Variants in PNMA3 observed in about 807,000 individuals in gnomAD.
PNMA3 encodes PNMA family member 3.
In PNMA3, 10 loss-of-function variants were observed where a neutral mutation model predicts 25.1. That is an observed-to-expected ratio of 0.40 (90% CI 0.25 to 0.68). The LOEUF (loss-of-function observed/expected upper bound fraction) is 0.68, where lower values mean the gene tolerates loss of function less well. Ranked by LOEUF, PNMA3 falls within the 30% of genes least tolerant of loss-of-function variation. The probability of loss-of-function intolerance (pLI) is 0.40; values close to 1 mark genes in which losing one functional copy is unlikely to be tolerated. For missense variants in PNMA3, 317 were observed against 372.1 expected (o/e 0.85, Z 1.22); for synonymous variants, 134 against 148.7 (o/e 0.90, Z 0.72).
rs1489977971 is a variant in PNMA3 at position 153,059,457 on chromosome X, A to G, written c.*1010A>G. The G allele has an allele frequency of 8.1e-5, 10 of 122,948 alleles. No individual in the cohort carries two copies. The highest frequency in any genetic ancestry group is 2.8e-4 in the Admixed American group (3 of 10,675). 10.1% of individuals were successfully genotyped at this position (122,948 alleles called of 1,213,427 possible). A position where few individuals can be genotyped will look rare whatever the true frequency, so the allele number is the denominator to read the frequency against. ...GCCATGGCCTGGGTGGAGGCACCTG[A>G]AGACGTCTGTCCCAAACTCCCCCAG... is the stretch of plus-strand genomic sequence containing the variant. On this transcript the variant is annotated 3_prime_UTR_variant, in exon 2 of 2. Transcript: ENST00000593810.
Position 153,057,567 on chromosome X carries a change from C to T in PNMA3, c.512C>T (p.Thr171Ile). ...GAACTAAGAGTGTTTTCTGGGAACACCATATCCATCCCAGGTGCACTGGCC... is the reference window on the plus strand; with the variant it reads ...GAACTAAGAGTGTTTTCTGGGAACATCATATCCATCCCAGGTGCACTGGCC... ...YRELRVFSGN[T>I]ISIPGALAFD... The change falls in exon 2 of 2, where the codon ACC (threonine) becomes ATC (isoleucine). Residue 171 changes from threonine (T) to isoleucine (I), a missense_variant. Thr to Ile is a moderately conservative substitution (Grantham distance 89). Coordinates refer to ENST00000593810, the MANE Select transcript of PNMA3 (RefSeq NM_013364.6). 8.3e-7 allele frequency: 1 copy of T among 1,211,270 alleles called. No individual in the cohort carries two copies. The highest frequency in any genetic ancestry group is 2.3e-4 in the Middle Eastern group (1 of 4,352).
rs953701858 is a variant in PNMA3, at chrX:153,057,258, A to G, written c.203A>G (p.Glu68Gly). The G allele has an allele frequency of 1.7e-6, 2 of 1,210,091 alleles. No homozygotes were observed. The highest frequency in any genetic ancestry group is 2.2e-6 in the Non-Finnish European group (2 of 895,169). ...GAGAACGCCCAGGCGATTCTACTGG[A>G]GCTGGCACAAGATATCGACTATGCT... ...REENAQAILL[E>G]LAQDIDYALL... The change falls in exon 2 of 2, where the codon GAG becomes GGG. Residue 68 changes from glutamate (E) to glycine (G), a missense_variant. Coordinates refer to ENST00000593810, the MANE Select transcript of PNMA3 (RefSeq NM_013364.6).
In PNMA3 at chrX:153,056,942, A is replaced by T; in HGVS notation, c.-106-8A>T. On this transcript the variant is annotated splice_polypyrimidine_tract_variant and splice_region_variant and intron_variant, in intron 1 of 1. Coordinates refer to ENST00000593810, the MANE Select transcript of PNMA3 (RefSeq NM_013364.6). ...TTAACCTCGCTCTCGCCCTGCTCGCATTCACAGGCTGTGGAGACCTGGGCC... is the reference window on the plus strand; with the variant it reads ...TTAACCTCGCTCTCGCCCTGCTCGCTTTCACAGGCTGTGGAGACCTGGGCC... The T allele has an allele frequency of 9.6e-7, 1 of 1,046,895 alleles. No homozygotes were observed. The highest frequency in any genetic ancestry group is 1.3e-6 in the Non-Finnish European group (1 of 782,451). 86.3% of individuals were successfully genotyped at this position (1,046,895 alleles called of 1,213,427 possible).
At chrX:153,056,849 C>T (rs1355911170) in intron 1 of PNMA3, 101 bp from the exon 2 acceptor site, 9 of 330,096 alleles carry the variant, frequency 2.7e-5, no homozygotes, top group African/African-American at 1.8e-4. Flanking sequence ...AGGCGCCGCC[C>T]GGGGAGGAGG....
rs2051168303 is a variant in PNMA3 at position 153,059,611 on chromosome X, T to A, written c.*1164T>A. ...GCCCCCTGTTCCAGGAAGCTCATCC[T>A]CACCTGTGTAGGCCCCTGTAGTGAC... is the stretch of plus-strand genomic sequence containing the variant. On this transcript the variant is annotated 3_prime_UTR_variant, in exon 2 of 2. Coordinates refer to ENST00000593810, the MANE Select transcript of PNMA3 (RefSeq NM_013364.6). The A allele has an allele frequency of 1.6e-5, 2 of 123,868 alleles. No individual in the cohort carries two copies. The highest frequency in any genetic ancestry group is 6.5e-5 in the African/African-American group (2 of 30,967). The allele number at this position is 123,868 out of a possible 1,213,427, so 10.2% of individuals were successfully genotyped here.
chrX:153,057,394 G>A lies in PNMA3; in HGVS notation c.339G>A (p.Glu113=). ...GACTGAACCGCTTCTTAGAGGAGGA[G>A]AGGCGGACCGTGTCAGATATGAACC... ...LNRLNRFLEE[E]RRTVSDMNRV... The change falls in exon 2 of 2, where the codon GAG becomes GAA. Residue 113 remains glutamate (E), a synonymous_variant. Transcript: ENST00000593810. The A allele has an allele frequency of 8.3e-7, 1 of 1,211,844 alleles. No individual in the cohort carries two copies. Among genetic ancestry groups the A allele is most frequent in the African/African-American group, 1.7e-5 (1 of 57,900 alleles).
rs1483929695 is a variant in PNMA3 at position 153,058,132 on chromosome X, G to A, written c.1077G>A (p.Arg359=). 1 of 1,210,705 alleles carries A rather than the reference G, an allele frequency of 8.3e-7. No homozygotes were observed. The highest frequency in any genetic ancestry group is 2.2e-5 in the Admixed American group (1 of 45,963). ...GLEVAPRPPA[R]ITGVGAVPLP... ...AAGTAGCCCCAAGGCCACCTGCCAGGATCACTGGGGTTGGGGCAGTACCTC... is the reference window on the plus strand; with the variant it reads ...AAGTAGCCCCAAGGCCACCTGCCAGAATCACTGGGGTTGGGGCAGTACCTC... The change falls in exon 2 of 2, where the codon AGG becomes AGA. Residue 359 remains arginine, a synonymous_variant. Coordinates refer to ENST00000593810, the MANE Select transcript of PNMA3 (RefSeq NM_013364.6).
chrX:153,058,973 G>A lies in PNMA3; in HGVS notation c.*526G>A, dbSNP rs1330215995. Reference sequence around the variant, plus strand: ...AAAGCCCTGCAGGGGAGGCCACAGGGTCCATCCCGTCTTCAGGATCATCTA... The same window carrying A: ...AAAGCCCTGCAGGGGAGGCCACAGGATCCATCCCGTCTTCAGGATCATCTA... On this transcript the variant is annotated 3_prime_UTR_variant, in exon 2 of 2. Transcript: ENST00000593810. The A allele has an allele frequency of 2.7e-5, 5 of 185,251 alleles. No individual in the cohort carries two copies. Among genetic ancestry groups the A allele is most frequent in the Non-Finnish European group, 5.4e-5 (5 of 92,634 alleles). 15.3% of individuals were successfully genotyped at this position (185,251 alleles called of 1,213,427 possible).
Position 153,060,450 on chromosome X carries a change from A to G in PNMA3, c.*2003A>G, listed in dbSNP as rs948514394. 3 of 123,297 alleles carry G rather than the reference A, an allele frequency of 2.4e-5. No individual in the cohort carries two copies. Among genetic ancestry groups the G allele is most frequent in the African/African-American group, 9.7e-5 (3 of 30,836 alleles). 10.2% of individuals were successfully genotyped at this position (123,297 alleles called of 1,213,427 possible). On this transcript the variant is annotated 3_prime_UTR_variant, in exon 2 of 2. Transcript: ENST00000593810. Reference sequence around the variant, plus strand: ...TACGTGTTTCTCTTCAATAAACTTCATTCAGTGTTCCAGCCGGCCTCGCCT... The same window carrying G: ...TACGTGTTTCTCTTCAATAAACTTCGTTCAGTGTTCCAGCCGGCCTCGCCT...
rs141778950 is a variant in PNMA3 at position 153,057,832 on chromosome X, G to A, written c.777G>A (p.Glu259=). ...TGAAGTTGTGTAAAGCCTATCAGGA[G>A]GCAGGAGAGAAAGTATCTAGCTTTG... ...AQVKLCKAYQ[E]AGEKVSSFVL... Residue 259 remains glutamate (E), a synonymous_variant, in exon 2 of 2, where the codon GAG becomes GAA. Coordinates refer to ENST00000593810, the MANE Select transcript of PNMA3 (RefSeq NM_013364.6). 1.8e-3 allele frequency: 2,226 copies of A among 1,211,366 alleles called. 1 individual carries two copies. Among genetic ancestry groups the A allele is most frequent in the Non-Finnish European group, 2.3e-3 (2,017 of 895,500 alleles).
At position 153,057,323 on chromosome X, in the gene PNMA3, G is replaced by A; in HGVS notation, c.268G>A (p.Glu90Lys). The A allele has an allele frequency of 8.2e-7, 1 of 1,212,140 alleles. No homozygotes were observed. Among genetic ancestry groups the A allele is most frequent in the East Asian group, 3.0e-5 (1 of 33,836 alleles). Residue 90 changes from glutamate (E) to lysine (K), a missense_variant, in exon 2 of 2, where the codon GAA becomes AAA. Coordinates refer to ENST00000593810, the MANE Select transcript of PNMA3 (RefSeq NM_013364.6). ...REIPGKGGPW[E>K]VIVKPRNSDG... ...AATACCAGGAAAGGGGGGGCCCTGGGAAGTGATTGTAAAACCCCGTAACTC... is the reference window on the plus strand; with the variant it reads ...AATACCAGGAAAGGGGGGGCCCTGGAAAGTGATTGTAAAACCCCGTAACTC...
Position 153,058,511 on chromosome X carries a change from A to G in PNMA3, c.*64A>G, listed in dbSNP as rs782497741. ...AGGAGACAAAAGAGATATTGGAAGGAGGGGAAAGAGAAGCCCAGACAAACA... is the reference window on the plus strand; with the variant it reads ...AGGAGACAAAAGAGATATTGGAAGGGGGGGAAAGAGAAGCCCAGACAAACA... On this transcript the variant is annotated 3_prime_UTR_variant, in exon 2 of 2. Coordinates refer to ENST00000593810, the MANE Select transcript of PNMA3 (RefSeq NM_013364.6). The G allele has an allele frequency of 2.9e-4, 345 of 1,209,773 alleles. No homozygotes were observed. Among genetic ancestry groups the G allele is most frequent in the Non-Finnish European group, 3.8e-4 (338 of 894,826 alleles).
Position 153,059,843 on chromosome X carries a change from T to C in PNMA3, c.*1396T>C, listed in dbSNP as rs1603346461. On this transcript the variant is annotated 3_prime_UTR_variant, in exon 2 of 2. Transcript: ENST00000593810. ...ATCTAGGCCAGTGGCTGCTTGTTCT[T>C]GTGGAGCTGTGTGTGTTCTTCTCTG... is the stretch of plus-strand genomic sequence containing the variant. 1 of 89,650 alleles carries C rather than the reference T, an allele frequency of 1.1e-5. No homozygotes were observed. The highest frequency in any genetic ancestry group is 3.9e-4 in the East Asian group (1 of 2,587). 7.4% of individuals were successfully genotyped at this position (89,650 alleles called of 1,213,427 possible).
In PNMA3 at chrX:153,058,973, G is replaced by T. The variant is rs1330215995; in HGVS notation, c.*526G>T. On this transcript the variant is annotated 3_prime_UTR_variant, in exon 2 of 2. Transcript: ENST00000593810. ...AAAGCCCTGCAGGGGAGGCCACAGG[G>T]TCCATCCCGTCTTCAGGATCATCTA... 3 of 185,306 alleles carry T rather than the reference G, an allele frequency of 1.6e-5. No homozygotes were observed. In the East Asian group the frequency reaches 4.0e-4, roughly 24 times the overall value. 15.3% of individuals were successfully genotyped at this position (185,306 alleles called of 1,213,427 possible).
Position 153,057,011 on chromosome X carries a change from C to T in PNMA3, c.-45C>T, listed in dbSNP as rs782366985. 8.4e-6 allele frequency: 10 copies of T among 1,184,261 alleles called. No homozygotes were observed. Among genetic ancestry groups the T allele is most frequent in the Admixed American group, 2.3e-5 (1 of 44,326 alleles). ...AGTTGATCCAGATATGTGCCTCACG[C>T]CCTGATCACTCCCCCCAAATTAGTA... On this transcript the variant is annotated 5_prime_UTR_variant, in exon 2 of 2. Coordinates refer to ENST00000593810, the MANE Select transcript of PNMA3 (RefSeq NM_013364.6).
In PNMA3 at chrX:153,058,201, C is replaced by T. The variant is rs1306369286; in HGVS notation, c.1146C>T (p.Gly382=). 2.5e-6 allele frequency: 3 copies of T among 1,210,592 alleles called. No individual in the cohort carries two copies. Among genetic ancestry groups the T allele is most frequent in the Non-Finnish European group, 3.4e-6 (3 of 895,230 alleles). The change falls in exon 2 of 2, where the codon GGC becomes GGT. Residue 382 remains glycine, a synonymous_variant. Transcript: ENST00000593810. ...GNSFDARPSQ[G]YRRRRGRGQH... is the part of the protein sequence containing the mutation. ...GTTTTGATGCGAGGCCTTCCCAGGGCTACCGGCGCCGGAGGGGCAGAGGCC... is the reference window on the plus strand; with the variant it reads ...GTTTTGATGCGAGGCCTTCCCAGGGTTACCGGCGCCGGAGGGGCAGAGGCC...
Position 153,058,242 on chromosome X carries a change from G to GT in PNMA3, c.1188dup (p.Val397CysfsTer20). The GT allele has an allele frequency of 1.6e-6, 2 of 1,212,380 alleles. No individual in the cohort carries two copies. The highest frequency in any genetic ancestry group is 2.2e-6 in the Non-Finnish European group (2 of 895,599). On this transcript the variant is annotated frameshift_variant, in exon 2 of 2. Coordinates refer to ENST00000593810, the MANE Select transcript of PNMA3 (RefSeq NM_013364.6). LOFTEE classifies it high-confidence loss of function. The stretch of plus-strand genomic sequence containing the variant: ...GGCAGAGGCCAACACCGAAGGGGTG[G>GT]TGTGGCAAGGGCTGGCTCTCGAGGC...
Position 153,057,025 on chromosome X carries a change from C to T in PNMA3, c.-31C>T. ...TGTGCCTCACGCCCTGATCACTCCC[C>T]CCAAATTAGTATCCGCAGAGATTCG... On this transcript the variant is annotated 5_prime_UTR_variant, in exon 2 of 2. Coordinates refer to ENST00000593810, the MANE Select transcript of PNMA3 (RefSeq NM_013364.6). The T allele has an allele frequency of 8.4e-7, 1 of 1,194,667 alleles. No individual in the cohort carries two copies. The highest frequency in any genetic ancestry group is 1.9e-5 in the South Asian group (1 of 53,532).
In PNMA3 at chrX:153,057,144, G is replaced by A. The variant is rs149639020; in HGVS notation, c.89G>A (p.Cys30Tyr). 8.2e-7 allele frequency: 1 copy of A among 1,212,168 alleles called. No homozygotes were observed. Among genetic ancestry groups the A allele is most frequent in the African/African-American group, 1.7e-5 (1 of 57,932 alleles). ...CMLILGIPED[C>Y]GEDEFEETLQ... ...CTCATCCTGGGGATCCCCGAGGACTGTGGCGAGGATGAGTTTGAGGAGACA... is the reference window on the plus strand; with the variant it reads ...CTCATCCTGGGGATCCCCGAGGACTATGGCGAGGATGAGTTTGAGGAGACA... The change falls in exon 2 of 2, where the codon TGT becomes TAT. Residue 30 changes from cysteine (C) to tyrosine (Y), a missense_variant. Coordinates refer to ENST00000593810, the MANE Select transcript of PNMA3 (RefSeq NM_013364.6).
Sources: gnomAD v4.1 joint callset for allele counts on GRCh38, gnomAD v4.1.1 for gene constraint, MANE v1.5 for transcripts, NCBI Gene and HGNC (gene_info 2026-07-23, HGNC 2026-07-21) for gene names.